The following GMDS variants were observed in gnomAD, a reference collection of about 807,000 sequenced individuals.
The protein encoded by GMDS is GDP-mannose 4,6-dehydratase.
A neutral mutation model predicts 49.9 loss-of-function variants in GMDS; 20 were observed. The ratio of observed to expected loss-of-function variants is 0.40; its 90% CI spans 0.28 to 0.58. GMDS has a LOEUF of 0.58. Among genes scored for constraint, GMDS ranks in the 20% least tolerant of loss-of-function variants. GMDS has a pLI of 0.42. For missense variants in GMDS, 362 were observed against 481.4 expected (o/e 0.75, Z 2.32); for synonymous variants, 177 against 178.6 (o/e 0.99, Z 0.07).
intron 1 of GMDS, among the ~76,000 whole-genome samples, chr6:2,221,104 T>C (rs535257824): frequency 6.6e-6 from 1 of 152,114 alleles, no homozygotes; most frequent in Non-Finnish European, 1.5e-5. Context: ...GGTGGGAGGA[T>C]TGCTTGAATC....
chr6:1,994,530 C>T lies in GMDS; in HGVS notation c.346-33564G>A, dbSNP rs560296985. Among the ~76,000 whole-genome samples the T allele has an allele frequency of 1.8e-4, 27 of 152,184 alleles. No individual in the cohort carries two copies. In the South Asian group the frequency reaches 5.6e-3, roughly 32 times the overall value. ...CCAGGCACTGTGCTGAGTTTGGGAA[C>T]AGAAAGATAAATGAGGCGCAAACTT... On this transcript the variant is annotated intron_variant, in intron 4 of 10. Transcript: ENST00000380815.
At chr6:1,862,338 A>G (rs1758228351) in intron 7 of GMDS, among the ~76,000 whole-genome samples, 1 of 152,204 alleles carries the variant, frequency 6.6e-6, no homozygotes, top group African/African-American at 2.4e-5. Context: ...ACATCAATAC[A>G]CCTTGAACAA....
intron 1 of GMDS, among the ~76,000 whole-genome samples, chr6:2,131,208 C>G (rs1016098974): frequency 1.3e-5 from 2 of 152,050 alleles, no homozygotes; most frequent in Non-Finnish European, 2.9e-5. Context: ...TTGCACAACC[C>G]AACATGTGTA....
intron 7 of GMDS, among the ~76,000 whole-genome samples, chr6:1,879,529 CTAAA>C (rs1181832971): frequency 6.6e-6 from 1 of 151,256 alleles, no homozygotes; most frequent in African/African-American, 2.4e-5. Context: ...AAGCTAAAAA[CTAAA>C]TATTTCTTGA....
At chr6:2,214,111 G>A (rs114387441) in intron 1 of GMDS, among the ~76,000 whole-genome samples, 3,475 of 152,164 alleles carry the variant, frequency 0.023, 66 homozygotes, top group Non-Finnish European at 0.03. Context: ...CACAGATTAG[G>A]ACAACTAGAA....
chr6:1,975,037 C>CAAA (rs66488709), intron 4 of GMDS, among the ~76,000 whole-genome samples: 1 of 146,040 alleles, frequency 6.8e-6, no homozygotes, highest in Non-Finnish European at 1.5e-5. Context: ...GACTCTGTCT[C>CAAA]AAAAAAAAAA....
rs1347485470 is a variant in GMDS at position 2,191,024 on chromosome 6, C to T, written c.102+54297G>A. ...GGGAGGGCACCAGGAGGAGGCAGCA[C>T]TGGGGGACCCAGGGCGGGAGGGGGA... On this transcript the variant is annotated intron_variant, in intron 1 of 10. Transcript: ENST00000380815. The surrounding 1 kb of genome is among the most constrained non-coding windows in gnomAD (Gnocchi z 4.6). Among the ~76,000 whole-genome samples the T allele has an allele frequency of 1.3e-5, 2 of 152,122 alleles. No individual in the cohort carries two copies. Among genetic ancestry groups the T allele is most frequent in the Non-Finnish European group, 2.9e-5 (2 of 67,998 alleles).
chr6:2,047,577 C>T (rs1273221620), intron 4 of GMDS, among the ~76,000 whole-genome samples: 2 of 151,946 alleles, frequency 1.3e-5, no homozygotes, highest in Non-Finnish European at 2.9e-5. Context: ...CAACCTCCGC[C>T]TCCTGGGTTC....
chr6:2,021,410 A>G (rs961491004), intron 4 of GMDS, among the ~76,000 whole-genome samples: 13 of 152,166 alleles, frequency 8.5e-5, no homozygotes, highest in African/African-American at 3.1e-4. Context: ...CTAGACCCTT[A>G]AGATAGTCGA....
chr6:1,751,227 G>T (rs1022559643), intron 7 of GMDS, among the ~76,000 whole-genome samples: 9 of 152,292 alleles, frequency 5.9e-5, no homozygotes, highest in Admixed American at 3.3e-4. Flanking sequence ...CTCTGCTAAG[G>T]GACAGACTGC....
At chr6:1,981,569 C>T (rs1256902555) in intron 4 of GMDS, among the ~76,000 whole-genome samples, 1 of 152,142 alleles carries the variant, frequency 6.6e-6, no homozygotes, top group East Asian at 1.9e-4. Context: ...CAGATAGATT[C>T]ACAGTTGAAT....
At chr6:1,810,915 C>T (rs990906758) in intron 7 of GMDS, among the ~76,000 whole-genome samples, 1 of 152,046 alleles carries the variant, frequency 6.6e-6, no homozygotes, top group Admixed American at 6.6e-5. Flanking sequence ...ATTATGTATC[C>T]TTGTGGCATT....
intron 4 of GMDS, among the ~76,000 whole-genome samples, chr6:2,096,536 TG>T (rs1286818703): frequency 1.3e-5 from 2 of 152,160 alleles, no homozygotes; most frequent in Admixed American, 1.3e-4. Context: ...ATTAATGATT[TG>T]CCATTTTAAG....
chr6:1,983,875 C>T (rs1292039730), intron 4 of GMDS, among the ~76,000 whole-genome samples: 1 of 152,162 alleles, frequency 6.6e-6, no homozygotes, highest in Non-Finnish European at 1.5e-5. Context: ...ACTGGGTATA[C>T]ATTCAAAAGA....
intron 9 of GMDS, among the ~76,000 whole-genome samples, chr6:1,631,299 G>A (rs1762993740): frequency 6.6e-6 from 1 of 152,076 alleles, no homozygotes; most frequent in Non-Finnish European, 1.5e-5. Flanking sequence ...AGAGATGAAA[G>A]TTCTGTGCAA....
chr6:2,097,200 T>G (rs898266764), intron 4 of GMDS, among the ~76,000 whole-genome samples: 1 of 152,202 alleles, frequency 6.6e-6, no homozygotes, highest in African/African-American at 2.4e-5. Flanking sequence ...ATTTTTGGAA[T>G]CTAAAAACTC....
intron 7 of GMDS, among the ~76,000 whole-genome samples, chr6:1,816,757 A>G (rs910353879): frequency 1.3e-5 from 2 of 152,132 alleles, no homozygotes; most frequent in Non-Finnish European, 2.9e-5. Context: ...CTCTGCTCAC[A>G]AACTGCAACA....
At chr6:1,723,140 A>G (rs550908548) in intron 9 of GMDS, among the ~76,000 whole-genome samples, 141 of 152,280 alleles carry the variant, frequency 9.3e-4, no homozygotes, top group Middle Eastern at 3.4e-3. Context: ...TACGCCCTCT[A>G]TGGAACCACT....
chr6:1,673,935 A>G (rs1764507517), intron 9 of GMDS, among the ~76,000 whole-genome samples: 1 of 98,616 alleles, frequency 1.0e-5, no homozygotes, highest in African/African-American at 3.4e-5. Context: ...GATCCATTAG[A>G]AGGATGTCTT....
Sources: gnomAD v4.1 joint callset for allele counts (sites outside exome capture counted in the v4.1 genomes callset) on GRCh38, gnomAD v4.1.1 for gene constraint, Gnocchi (gnomAD v3.1) non-coding constraint, MANE v1.5 for transcripts, NCBI Gene and HGNC (gene_info 2026-07-23, HGNC 2026-07-21) for gene names.